TGFBR3: variants seen among roughly 807,000 people sequenced by gnomAD.
The protein encoded by TGFBR3 is transforming growth factor beta receptor 3, also known as transforming growth factor beta receptor type 3.
TGFBR3 carries 46 observed loss-of-function variants against 87.9 expected under a neutral mutation model. That is an observed-to-expected ratio of 0.52 (90% CI 0.41 to 0.67). The LOEUF is 0.67. TGFBR3 is among the 30% of genes least tolerant of loss of function. The pLI is 0.00. For missense variants in TGFBR3, 866 were observed against 1,041.9 expected, an observed-to-expected ratio of 0.83 and a Z score of 2.32; for synonymous variants, 381 against 391.6, an observed-to-expected ratio of 0.97 and a Z score of 0.32.
At chr1:91,872,276 T>C (rs1678610833) in intron 1 of TGFBR3, among the ~76,000 whole-genome samples, 1 of 152,198 alleles carries the variant, frequency 6.6e-6, no homozygotes, top group South Asian at 2.1e-4. Context: ...CTGACACTTC[T>C]TCAGAGCTGA....
intron 1 of TGFBR3, among the ~76,000 whole-genome samples, chr1:91,882,100 G>T (rs1679106040): frequency 6.7e-6 from 1 of 149,050 alleles, no homozygotes; most frequent in Non-Finnish European, 1.5e-5. Flanking sequence ...AACAAGAAAG[G>T]AAACTGGCCT....
At chr1:91,855,019 G>C (rs1178519971) in intron 2 of TGFBR3, among the ~76,000 whole-genome samples, 1 of 152,162 alleles carries the variant, frequency 6.6e-6, no homozygotes, top group Non-Finnish European at 1.5e-5. Flanking sequence ...CTGCCAGCTT[G>C]TACCATTCCA....
At chr1:91,765,570 T>C (rs1360538534) in intron 3 of TGFBR3, among the ~76,000 whole-genome samples, 4 of 152,130 alleles carry the variant, frequency 2.6e-5, no homozygotes, top group Non-Finnish European at 5.9e-5. Flanking sequence ...TCATCCTCTC[T>C]GTGTGTAAGA....
intron 1 of TGFBR3, among the ~76,000 whole-genome samples, chr1:91,874,005 C>T (rs1678688088): frequency 6.6e-6 from 1 of 151,784 alleles, no homozygotes; most frequent in South Asian, 2.1e-4. Flanking sequence ...TAATGTTTAT[C>T]AAGTGCCTGC....
chr1:91,788,995 G>T (rs1675078984), intron 3 of TGFBR3, among the ~76,000 whole-genome samples: 1 of 152,132 alleles, frequency 6.6e-6, no homozygotes, highest in African/African-American at 2.4e-5. Context: ...TGCTGCTGCT[G>T]GACAAATTTT....
chr1:91,697,979 G>A lies in TGFBR3; in HGVS notation c.2329+110C>T, dbSNP rs1671487674. 16 of 998,442 alleles carry A rather than the reference G, an allele frequency of 1.6e-5. No individual in the cohort carries two copies. The South Asian group carries it at 1.8e-4, about 11-fold the overall frequency. The allele number at this position is 998,442 out of a possible 1,614,324, so 61.8% of individuals were successfully genotyped here. On this transcript the variant is annotated intron_variant, in intron 15 of 16. Transcript: ENST00000212355. The stretch of plus-strand genomic sequence containing the variant: ...AAGGGGAAGGGGGAAGGGGGAATGA[G>A]AGCAGAAGTCTCCTTATCAAAACTC...
chr1:91,823,867 C>A (rs1003477605), intron 2 of TGFBR3, among the ~76,000 whole-genome samples: 1 of 152,292 alleles, frequency 6.6e-6, no homozygotes, highest in South Asian at 2.1e-4. Flanking sequence ...CAGTGGCTCA[C>A]GCCTGTAATC....
chr1:91,736,993 C>A (rs904861287), intron 4 of TGFBR3, among the ~76,000 whole-genome samples: 1 of 152,218 alleles, frequency 6.6e-6, no homozygotes, highest in African/African-American at 2.4e-5. Context: ...AAGATATCAA[C>A]GGCAACTCCG....
intron 8 of TGFBR3, 48 bp downstream of exon 8, chr1:91,721,907 T>C: frequency 6.4e-7 from 1 of 1,568,820 alleles, no homozygotes; most frequent in Non-Finnish European, 8.7e-7. Context: ...CTGGAAAAGC[T>C]TCATTTGGGG....
rs756806560 is a variant in TGFBR3 at position 91,708,824 on chromosome 1, C to T, written c.2167-41G>A. 10 of 1,610,112 alleles carry T rather than the reference C, an allele frequency of 6.2e-6. No homozygotes were observed. In the East Asian group the frequency reaches 2.2e-4, roughly 36 times the overall value. ...ACAAAGCACAGAATCAGGGGCCACT[C>T]AAAAGTGCCTTCACCAGCTCTACCT... On this transcript the variant is annotated intron_variant, in intron 13 of 16. Coordinates refer to ENST00000212355, the MANE Select transcript of TGFBR3 (RefSeq NM_003243.5).
rs573063340 is a variant in TGFBR3, at chr1:91,682,217, A to G, written c.*1522T>C. ...ACCTACTGAGGTTCCATTCACAGAC[A>G]ACCAGGCATAACTTCCTTATTTTAA... On this transcript the variant is annotated 3_prime_UTR_variant, in exon 17 of 17. Transcript: ENST00000212355. The G allele has an allele frequency of 6.6e-6, 3 of 454,078 alleles. No individual in the cohort carries two copies. Among genetic ancestry groups the G allele is most frequent in the African/African-American group, 6.0e-5 (3 of 50,122 alleles). The allele number at this position is 454,078 out of a possible 1,614,324, so 28.1% of individuals were successfully genotyped here. A position where few individuals can be genotyped will look rare whatever the true frequency, so the allele number is the denominator to read the frequency against.
At chr1:91,776,360 T>C (rs538881643) in intron 3 of TGFBR3, among the ~76,000 whole-genome samples, 6 of 152,364 alleles carry the variant, frequency 3.9e-5, no homozygotes, top group African/African-American at 1.4e-4. Context: ...ATTTCATTAT[T>C]GAATAAATGC....
At chr1:91,904,563 A>ATT (rs111512659) in intron 1 of TGFBR3, among the ~76,000 whole-genome samples, 3,045 of 115,044 alleles carry the variant, frequency 0.026, 112 homozygotes, top group Non-Finnish European at 0.037. Context: ...CATGCAGCTG[A>ATT]TTTTTTTTTT....
chr1:91,888,024 C>G (rs536371156), upstream of TGFBR3, among the ~76,000 whole-genome samples: 1 of 152,038 alleles, frequency 6.6e-6, no homozygotes, highest in Non-Finnish European at 1.5e-5. Context: ...CCCACAATCC[C>G]CATGTGTCCT....
intron 10 of TGFBR3, among the ~76,000 whole-genome samples, chr1:91,717,603 T>C (rs956939348): frequency 6.6e-6 from 1 of 151,564 alleles, no homozygotes; most frequent in African/African-American, 2.4e-5. Flanking sequence ...TAGAAATATA[T>C]AGTAAGTCTG....
At chr1:91,747,359 G>A (rs1017009876) in intron 4 of TGFBR3, among the ~76,000 whole-genome samples, 15 of 152,218 alleles carry the variant, frequency 9.9e-5, no homozygotes, top group African/African-American at 2.9e-4. Context: ...AAAGCAGTGA[G>A]GCAAAGCAGG....
Position 91,797,360 on chromosome 1 carries a change from G to A in TGFBR3, c.173C>T (p.Thr58Ile). The A allele has an allele frequency of 1.2e-6, 2 of 1,614,230 alleles. No individual in the cohort carries two copies. The highest frequency in any genetic ancestry group is 1.7e-6 in the Non-Finnish European group (2 of 1,180,046). The change falls in exon 3 of 17, where the codon ACT becomes ATT. Residue 58 changes from threonine (T) to isoleucine (I), a missense_variant. Transcript: ENST00000212355. Reference sequence around the variant, plus strand: ...GACATGCACCTCCTGTGGCAGCCCAGTTGTGCCTCTGCTGGCACAGCCTGA... The same window carrying A: ...GACATGCACCTCCTGTGGCAGCCCAATTGTGCCTCTGCTGGCACAGCCTGA... Reference protein sequence around the residue: ...VLSGCASRGTTGLPQEVHVLN... With the variant: ...VLSGCASRGTIGLPQEVHVLN...
chr1:91,783,433 C>T (rs1674844714), intron 3 of TGFBR3, among the ~76,000 whole-genome samples: 2 of 152,218 alleles, frequency 1.3e-5, no homozygotes, highest in African/African-American at 2.4e-5. Context: ...CACTGAGGTG[C>T]CCCGGCGGGC....
chr1:91,765,114 A>C (rs1571487338), intron 3 of TGFBR3, among the ~76,000 whole-genome samples: 1 of 151,802 alleles, frequency 6.6e-6, no homozygotes, highest in East Asian at 1.9e-4. Context: ...GTGTGGCCCG[A>C]GACAATTCTT....
Sources: allele counts gnomAD v4.1 joint callset (sites outside exome capture counted in the v4.1 genomes callset), GRCh38; gene constraint gnomAD v4.1.1; transcripts MANE v1.5; gene names NCBI Gene and HGNC (gene_info 2026-07-23, HGNC 2026-07-21).